The following SLC9D1 variants were observed in gnomAD, a reference collection of about 807,000 sequenced individuals.
SLC9D1 encodes the protein solute carrier family 9 member D1, also known as putative LAG1-interacting protein.
the SLC9D1 span, among the ~76,000 whole-genome samples, chr13:113,543,443 C>T: frequency 4.8e-3 from 1 of 208 alleles, no homozygotes; most frequent in Non-Finnish European, 0.011. Flanking sequence ...CCTCCCCCTG[C>T]CCATGACCCC....
At chr13:113,514,065 G>A in the SLC9D1 span, among the ~76,000 whole-genome samples, 6 of 152,230 alleles carry the variant, frequency 3.9e-5, no homozygotes, top group South Asian at 2.1e-4. Flanking sequence ...TTAGAACTAC[G>A]AGAAGGAAAT....
the SLC9D1 span, among the ~76,000 whole-genome samples, chr13:113,508,069 C>T: frequency 6.6e-6 from 1 of 152,254 alleles, no homozygotes; most frequent in Non-Finnish European, 1.5e-5. Context: ...ACCTGTGCCC[C>T]TGTGGCCTTT....
chr13:113,532,845 C>A, the SLC9D1 span, among the ~76,000 whole-genome samples: 3 of 116,558 alleles, frequency 2.6e-5, no homozygotes, highest in East Asian at 9.0e-4. Flanking sequence ...CCTGAAGTCG[C>A]AGACGTGGGC....
the SLC9D1 span, among the ~76,000 whole-genome samples, chr13:113,548,612 A>G: frequency 6.6e-6 from 1 of 152,242 alleles, no homozygotes; most frequent in Non-Finnish European, 1.5e-5. Flanking sequence ...CTGCTCATCC[A>G]GCATGTGGCG....
the SLC9D1 span, chr13:113,547,380 G>T: frequency 1.2e-6 from 2 of 1,612,332 alleles, no homozygotes; most frequent in Middle Eastern, 1.6e-4. Context: ...GGTGATGAAG[G>T]TATGGACTGG....
At chr13:113,548,336 C>T in the SLC9D1 span, 9 of 1,613,934 alleles carry the variant, frequency 5.6e-6, no homozygotes, top group Non-Finnish European at 7.6e-6. Flanking sequence ...GTCTCTCATT[C>T]TGCCGAGGAG....
the SLC9D1 span, among the ~76,000 whole-genome samples, chr13:113,538,180 G>C: frequency 6.6e-6 from 1 of 152,132 alleles, no homozygotes; most frequent in Non-Finnish European, 1.5e-5. Flanking sequence ...TTTATGTGGT[G>C]TGTGGTTTGT....
At chr13:113,509,268 C>A in the SLC9D1 span, among the ~76,000 whole-genome samples, 1 of 101,014 alleles carries the variant, frequency 9.9e-6, no homozygotes, top group Non-Finnish European at 1.9e-5. Flanking sequence ...TATGTTGGGA[C>A]TGGTGGGCTT....
chr13:113,515,143 CA>C, the SLC9D1 span, among the ~76,000 whole-genome samples: 10 of 152,274 alleles, frequency 6.6e-5, no homozygotes, highest in East Asian at 1.9e-3. Flanking sequence ...CAGAAAATTC[CA>C]TTTCTATATA....
the SLC9D1 span, chr13:113,547,055 T>C: frequency 0.37 from 186,538 of 503,976 alleles, 39,774 homozygotes; most frequent in African/African-American, 0.72. Context: ...AGTTGAGGCC[T>C]GTTGCAGGGA....
the SLC9D1 span, among the ~76,000 whole-genome samples, chr13:113,508,299 C>G: frequency 6.6e-6 from 1 of 152,240 alleles, no homozygotes; most frequent in Non-Finnish European, 1.5e-5. Context: ...GGCCTCAACT[C>G]CATGTGTCCC....
chr13:113,519,987 T>A, the SLC9D1 span, among the ~76,000 whole-genome samples: 8 of 152,238 alleles, frequency 5.3e-5, no homozygotes, highest in Non-Finnish European at 1.2e-4. Flanking sequence ...TCCATGTGTT[T>A]CTGGGACGCA....
the SLC9D1 span, chr13:113,495,928 G>T: frequency 1.2e-6 from 2 of 1,614,052 alleles, no homozygotes; most frequent in South Asian, 2.2e-5. Flanking sequence ...GCTGTCTACG[G>T]ACTGCAGAGA....
chr13:113,547,261 T>A, the SLC9D1 span: 374,238 of 1,487,636 alleles, frequency 0.25, 51,212 homozygotes, highest in East Asian at 0.4. Flanking sequence ...TGGGGGAGGC[T>A]GTCCTGCGGT....
chr13:113,519,407 A>G, the SLC9D1 span, among the ~76,000 whole-genome samples: 4 of 151,712 alleles, frequency 2.6e-5, no homozygotes, highest in African/African-American at 7.3e-5. Flanking sequence ...GGGAATGACA[A>G]TTTAATTTTT....
At chr13:113,536,215 C>A in the SLC9D1 span, among the ~76,000 whole-genome samples, 2 of 151,784 alleles carry the variant, frequency 1.3e-5, no homozygotes, top group South Asian at 4.2e-4. Context: ...CCGTCTCTAC[C>A]AAAAATACAA....
the SLC9D1 span, among the ~76,000 whole-genome samples, chr13:113,520,949 C>T: frequency 1.3e-5 from 2 of 152,162 alleles, no homozygotes; most frequent in South Asian, 4.2e-4. Flanking sequence ...TTCCTCAGTC[C>T]TGTCTTCCAT....
chr13:113,495,713 G>A, the SLC9D1 span: 4 of 1,613,252 alleles, frequency 2.5e-6, no homozygotes, highest in Admixed American at 5.0e-5. Flanking sequence ...TGGCTGCCAT[G>A]CAGAGCCGGC....
the SLC9D1 span, chr13:113,496,034 TAGAGAGGGAG>T: frequency 1.9e-6 from 3 of 1,584,884 alleles, no homozygotes; most frequent in Non-Finnish European, 2.6e-6. Flanking sequence ...AGGTCAGTCC[TAGAGAGGGAG>T]AGAGAGAGAG....
Sources: allele counts gnomAD v4.1 joint callset (sites outside exome capture counted in the v4.1 genomes callset), GRCh38; gene constraint gnomAD v4.1.1; transcripts MANE v1.5; gene names NCBI Gene and HGNC (gene_info 2026-07-23, HGNC 2026-07-21).